The following ATP1A3 variants were observed in gnomAD, a reference collection of about 807,000 sequenced individuals.
ATP1A3 encodes ATPase Na+/K+ transporting subunit alpha 3.
ATP1A3 carries 12 observed loss-of-function variants against 108.8 expected under a neutral mutation model. The ratio of observed to expected loss-of-function variants is 0.11; its 90% CI spans 0.07 to 0.18. The LOEUF is 0.18. Ranked by LOEUF, ATP1A3 falls within the 10% of genes least tolerant of loss-of-function variation. The pLI is 1.00. For missense variants in ATP1A3, 498 were observed against 1,387.7 expected, an observed-to-expected ratio of 0.36 and a Z score of 10.19; for synonymous variants, 539 against 564.5, an observed-to-expected ratio of 0.95 and a Z score of 0.64.
In ATP1A3 at chr19:41,978,530, C is replaced by T; in HGVS notation, c.1630+76G>A. On this transcript the variant is annotated intron_variant, in intron 12 of 22. Transcript: ENST00000648268. The surrounding 1 kb of genome is among the most constrained non-coding windows in gnomAD (Gnocchi z 8.3). Reference sequence around the variant, plus strand: ...ACAGTATATTCTGGGAGGCCCTGGGCTGAGACAGGCTTTGGGCAGCATCAC... The same window carrying T: ...ACAGTATATTCTGGGAGGCCCTGGGTTGAGACAGGCTTTGGGCAGCATCAC... The T allele has an allele frequency of 6.3e-7, 1 of 1,589,588 alleles. No homozygotes were observed. The highest frequency in any genetic ancestry group is 2.2e-5 in the East Asian group (1 of 44,768).
intron 1 of ATP1A3, chr19:41,993,656 A>C (rs2075361449): frequency 4.7e-6 from 3 of 643,050 alleles, no homozygotes; most frequent in Non-Finnish European, 8.0e-6. Context: ...GGGGGGCCTC[A>C]ATAACCCCAG....
intron 5 of ATP1A3, 47 bp from the exon 6 acceptor site, chr19:41,986,045 G>T (rs2075283408): frequency 6.2e-7 from 1 of 1,614,108 alleles, no homozygotes; most frequent in Non-Finnish European, 8.5e-7. Flanking sequence ...CCTCTGCCTG[G>T]GGGTCACTGG....
At position 41,967,151 on chromosome 19, in the gene ATP1A3, T is replaced by A. The variant is rs369366002; in HGVS notation, c.3013+98A>T. On this transcript the variant is annotated intron_variant, in intron 22 of 22. Transcript: ENST00000648268. This position sits in a 1 kb window ranked among gnomAD's most constrained non-coding sequence, Gnocchi z 4.2. ...AAGAGAGAGAAGAGTGGGAACCAGGTGGCAGAGCCATCCAGCAGGGCGAGG... is the reference window on the plus strand; with the variant it reads ...AAGAGAGAGAAGAGTGGGAACCAGGAGGCAGAGCCATCCAGCAGGGCGAGG... 6.3e-7 allele frequency: 1 copy of A among 1,586,598 alleles called. No individual in the cohort carries two copies.
At chr19:41,982,204 G>A (rs917234076) in intron 8 of ATP1A3, 98 bp from the exon 9 acceptor site, 1 of 1,597,698 alleles carries the variant, frequency 6.3e-7, no homozygotes, top group Non-Finnish European at 8.6e-7. Context: ...CCAGCCCCCA[G>A]AGAATCCTGA....
Position 41,967,638 on chromosome 19 carries a change from G to A in ATP1A3, c.2921+24C>T. The A allele has an allele frequency of 6.2e-7, 1 of 1,611,434 alleles. No individual in the cohort carries two copies. Among genetic ancestry groups the A allele is most frequent in the Non-Finnish European group, 8.5e-7 (1 of 1,178,288 alleles). ...CCATGGCAGGCGCTGGTGTGGGCAG[G>A]GCTGGGGGCAGCGGGGCACTCACTT... On this transcript the variant is annotated intron_variant, in intron 21 of 22. Transcript: ENST00000648268. This position sits in a 1 kb window ranked among gnomAD's most constrained non-coding sequence, Gnocchi z 4.2.
At chr19:41,969,013 T>A in intron 19 of ATP1A3, 98 bp from the exon 20 acceptor site, 4 of 1,560,618 alleles carry the variant, frequency 2.6e-6, no homozygotes, top group Non-Finnish European at 3.5e-6. Flanking sequence ...CGCCCCATCC[T>A]GCATGGGGTC....
chr19:41,967,195 C>T lies in ATP1A3; in HGVS notation c.3013+54G>A, dbSNP rs782308142. ...GGCGAGGGGAGCCTGGGACCAGCTG[C>T]CTGAGACCCTGCTGCCCCCCGCCCC... On this transcript the variant is annotated intron_variant, in intron 22 of 22. Transcript: ENST00000648268. The surrounding 1 kb of genome is among the most constrained non-coding windows in gnomAD (Gnocchi z 4.2). 30 of 1,612,378 alleles carry T rather than the reference C, an allele frequency of 1.9e-5. No individual in the cohort carries two copies. In the East Asian group the frequency reaches 6.2e-4, roughly 34 times the overall value.
Position 41,978,766 on chromosome 19 carries a change from G to A in ATP1A3, c.1470C>T (p.Asp490=). The stretch of plus-strand genomic sequence containing the variant: ...CCTTCATCACCAGCAGGTATCGGTT[G>A]TCGTTGGGGTCCTCGGTCTCATGGA... The part of the protein sequence containing the change: ...LSIHETEDPN[D]NRYLLVMKGA... Residue 490 remains aspartate (D), a synonymous_variant, in exon 12 of 23, where the codon GAC becomes GAT. Transcript: ENST00000648268. This position sits in a 1 kb window ranked among gnomAD's most constrained non-coding sequence, Gnocchi z 8.3. 6.2e-7 allele frequency: 1 copy of A among 1,614,102 alleles called. No individual in the cohort carries two copies. Among genetic ancestry groups the A allele is most frequent in the Non-Finnish European group, 8.5e-7 (1 of 1,179,990 alleles).
rs201877265 is a variant in ATP1A3 at position 41,985,412 on chromosome 19, G to A, written c.618C>T (p.Ser206=). The stretch of plus-strand genomic sequence containing the variant: ...GGGGCTCGGATTCGCCAGTCAGGGA[G>A]GAGTTGTCCACCTGGGGGTAGGTGC... The part of the protein sequence containing the change: ...ISAHGCKVDN[S]SLTGESEPQT... The change falls in exon 7 of 23, where the codon TCC becomes TCT. Residue 206 remains serine, a synonymous_variant. Transcript: ENST00000648268. The surrounding 1 kb of genome is among the most constrained non-coding windows in gnomAD (Gnocchi z 8.2). 3 of 1,614,200 alleles carry A rather than the reference G, an allele frequency of 1.9e-6. No individual in the cohort carries two copies. Among genetic ancestry groups the A allele is most frequent in the East Asian group, 4.5e-5 (2 of 44,884 alleles).
At position 41,970,397 on chromosome 19, in the gene ATP1A3, G is replaced by A. The variant is rs781856091; in HGVS notation, c.2409C>T (p.Gly803=). The A allele has an allele frequency of 3.1e-6, 5 of 1,614,236 alleles. No homozygotes were observed. The South Asian group carries it at 5.5e-5, about 18-fold the overall frequency. The change falls in exon 17 of 23, where the codon GGC becomes GGT. Residue 803 remains glycine, a synonymous_variant. Coordinates refer to ENST00000648268, the MANE Select transcript of ATP1A3 (RefSeq NM_152296.5). Reference sequence around the variant, plus strand: ...GGCTGCCAGGGCTCACCATGTCAGTGCCCAGATCGATGCAGAGGATGGTGA... The same window carrying A: ...GGCTGCCAGGGCTCACCATGTCAGTACCCAGATCGATGCAGAGGATGGTGA... ...GTITILCIDL[G]TDMVPAISLA...
In ATP1A3 at chr19:41,967,074, CCA is replaced by C. The variant is rs782478162; in HGVS notation, c.3014-111_3014-110del. 32 of 1,551,564 alleles carry C rather than the reference CCA, an allele frequency of 2.1e-5. No homozygotes were observed. The highest frequency in any genetic ancestry group is 2.8e-5 in the Non-Finnish European group (32 of 1,147,038). ...ACAGAGAGGGAGAGAGACAAGGAAA[CCA>C]CACAGACAGAGACCCGTGAGAAGAC... On this transcript the variant is annotated intron_variant, in intron 22 of 22. Transcript: ENST00000648268. This position sits in a 1 kb window ranked among gnomAD's most constrained non-coding sequence, Gnocchi z 4.2.
At chr19:41,979,265 A>G (rs1281158337) in intron 11 of ATP1A3, among the ~76,000 whole-genome samples, 1 of 150,962 alleles carries the variant, frequency 6.6e-6, no homozygotes, top group Non-Finnish European at 1.5e-5. Flanking sequence ...GGCCTCTCAA[A>G]GTGCTGGGAT....
In ATP1A3 at chr19:41,968,652, G is replaced by T; in HGVS notation, c.2819+133C>A. On this transcript the variant is annotated intron_variant, in intron 20 of 22. Coordinates refer to ENST00000648268, the MANE Select transcript of ATP1A3 (RefSeq NM_152296.5). The surrounding 1 kb of genome is among the most constrained non-coding windows in gnomAD (Gnocchi z 5.0). ...GATTACACCACTGAACTCCAGTCTGGGTGACAGAGTGAGACCCTGCCTCAA... is the reference window on the plus strand; with the variant it reads ...GATTACACCACTGAACTCCAGTCTGTGTGACAGAGTGAGACCCTGCCTCAA... 7.0e-7 allele frequency: 1 copy of T among 1,427,102 alleles called. No homozygotes were observed. The highest frequency in any genetic ancestry group is 9.5e-7 in the Non-Finnish European group (1 of 1,048,136). The allele number at this position is 1,427,102 out of a possible 1,614,324, so 88.4% of individuals were successfully genotyped here. A position where few individuals can be genotyped will look rare whatever the true frequency, so the allele number is the denominator to read the frequency against.
chr19:41,985,721 A>G lies in ATP1A3; in HGVS notation c.606+143T>C. 5 of 1,284,782 alleles carry G rather than the reference A, an allele frequency of 3.9e-6. No homozygotes were observed. Among genetic ancestry groups the G allele is most frequent in the Non-Finnish European group, 3.2e-6 (3 of 942,760 alleles). 79.6% of individuals were successfully genotyped at this position (1,284,782 alleles called of 1,614,324 possible). On this transcript the variant is annotated intron_variant, in intron 6 of 22. Transcript: ENST00000648268. The surrounding 1 kb of genome is among the most constrained non-coding windows in gnomAD (Gnocchi z 8.2). ...GGGCCTAAACTCCTGGGTCTGAGGG[A>G]GGAGGGCCTGGGGGCCTGGACTCCT... is the stretch of plus-strand genomic sequence containing the variant.
intron 5 of ATP1A3, 55 bp downstream of exon 5, chr19:41,986,061 G>A (rs1392607012): frequency 3.1e-6 from 5 of 1,614,042 alleles, no homozygotes; most frequent in Non-Finnish European, 4.2e-6. Context: ...ACTGGGCCCG[G>A]CCCCCAGCCC....
chr19:41,979,490 A>G (rs1299456449), intron 11 of ATP1A3, among the ~76,000 whole-genome samples: 1 of 151,944 alleles, frequency 6.6e-6, no homozygotes, highest in East Asian at 1.9e-4. Context: ...AATTTTTTAT[A>G]GAGACATGCT....
At chr19:41,982,350 G>T (rs1555863852) in intron 8 of ATP1A3, among the ~76,000 whole-genome samples, 3 of 152,168 alleles carry the variant, frequency 2.0e-5, no homozygotes, top group Non-Finnish European at 4.4e-5. Flanking sequence ...AAACAGCCAG[G>T]TGCAGTGGCT....
intron 1 of ATP1A3, among the ~76,000 whole-genome samples, chr19:41,989,238 C>T (rs2075313806): frequency 6.6e-6 from 1 of 152,134 alleles, no homozygotes; most frequent in South Asian, 2.1e-4. Flanking sequence ...CCGTGCCCCA[C>T]CTCTATGTGA....
At chr19:41,992,178 G>A (rs934933369) in intron 1 of ATP1A3, among the ~76,000 whole-genome samples, 3 of 152,070 alleles carry the variant, frequency 2.0e-5, no homozygotes, top group Non-Finnish European at 4.4e-5. Context: ...CTCCTGGTCT[G>A]AGGGAGGAGG....
Sources: gnomAD v4.1 joint callset for allele counts (sites outside exome capture counted in the v4.1 genomes callset) on GRCh38, gnomAD v4.1.1 for gene constraint, Gnocchi (gnomAD v3.1) non-coding constraint, MANE v1.5 for transcripts, NCBI Gene and HGNC (gene_info 2026-07-23, HGNC 2026-07-21) for gene names.